The following KCNK3 variants were observed in gnomAD, a reference collection of about 807,000 sequenced individuals.
KCNK3 encodes the protein potassium channel subfamily K member 3.
Under a neutral mutation model 27.3 loss-of-function variants are expected in KCNK3, and 9 were observed. That is an observed-to-expected ratio of 0.33 (90% confidence interval 0.20 to 0.57). The LOEUF is 0.57. Among genes scored for constraint, KCNK3 ranks in the 20% least tolerant of loss-of-function variants. The pLI, the probability that KCNK3 is intolerant of heterozygous loss-of-function variation, is 0.87. For missense variants in KCNK3, 391 were observed against 577.7 expected (o/e 0.68, Z 3.31); for synonymous variants, 278 against 273.8 (o/e 1.02, Z -0.15).
At position 26,721,817 on chromosome 2, in the gene KCNK3, T is replaced by C. The variant is rs765063303; in HGVS notation, c.284-5850T>C. On this transcript the variant is annotated intron_variant, in intron 1 of 1. Transcript: ENST00000302909. The surrounding 1 kb of genome is among the most constrained non-coding windows in gnomAD (Gnocchi z 4.3). ...CAGGCCACAGGTCCCTCATCCACCT[T>C]CCCTCAGGACAAACATTAGCCCAGC... Among the ~76,000 whole-genome samples the C allele has an allele frequency of 1.2e-4, 19 of 152,192 alleles. No homozygotes were observed. The highest frequency in any genetic ancestry group is 1.9e-4 in the Non-Finnish European group (13 of 68,030).
Position 26,728,049 on chromosome 2 carries a change from C to T in KCNK3, c.666C>T (p.Ala222=), listed in dbSNP as rs1169761499. Residue 222 remains alanine (A), a synonymous_variant, in exon 2 of 2, where the codon GCC becomes GCT. Coordinates refer to ENST00000302909, the MANE Select transcript of KCNK3 (RefSeq NM_002246.3). The part of the protein sequence containing the change: ...QALQTQPQYV[A]FSFVYILTGL... ...TGCAGACGCAGCCGCAGTACGTGGC[C>T]TTCAGCTTCGTCTACATCCTTACGG... The T allele has an allele frequency of 6.2e-7, 1 of 1,614,070 alleles. No homozygotes were observed. The highest frequency in any genetic ancestry group is 8.5e-7 in the Non-Finnish European group (1 of 1,180,010).
intron 1 of KCNK3, among the ~76,000 whole-genome samples, chr2:26,702,604 T>C (rs1670321670): frequency 6.6e-6 from 1 of 152,110 alleles, no homozygotes; most frequent in Non-Finnish European, 1.5e-5. Flanking sequence ...CAAAGATGAA[T>C]TGCACTGCCT....
Position 26,728,493 on chromosome 2 carries a change from C to T in KCNK3, c.1110C>T (p.Ala370=). Residue 370 remains alanine, a synonymous_variant, in exon 2 of 2, where the codon GCC becomes GCT. Transcript: ENST00000302909. ...TGTGCAGCGGGGCGCCACGCTCCGCCATCAGCTCGGTGTCCACGGGTCTGC... is the reference window on the plus strand; with the variant it reads ...TGTGCAGCGGGGCGCCACGCTCCGCTATCAGCTCGGTGTCCACGGGTCTGC... The part of the protein sequence containing the change: ...RCLCSGAPRS[A]ISSVSTGLHS... The T allele has an allele frequency of 6.5e-7, 1 of 1,535,160 alleles. No homozygotes were observed. Among genetic ancestry groups the T allele is most frequent in the Non-Finnish European group, 8.8e-7 (1 of 1,138,118 alleles).
At chr2:26,704,320 T>C (rs1210195962) in intron 1 of KCNK3, among the ~76,000 whole-genome samples, 1 of 152,182 alleles carries the variant, frequency 6.6e-6, no homozygotes, top group African/African-American at 2.4e-5. Flanking sequence ...GCACAGCTTC[T>C]GCATGGACAA....
chr2:26,706,037 C>T (rs1173096895), intron 1 of KCNK3, among the ~76,000 whole-genome samples: 1 of 152,194 alleles, frequency 6.6e-6, no homozygotes, highest in East Asian at 1.9e-4. Context: ...AAGGACCCCC[C>T]AGGCGATTGG....
At position 26,728,482 on chromosome 2, in the gene KCNK3, C is replaced by A; in HGVS notation, c.1099C>A (p.Pro367Thr). The A allele has an allele frequency of 6.5e-7, 1 of 1,541,626 alleles. No homozygotes were observed. The highest frequency in any genetic ancestry group is 8.8e-7 in the Non-Finnish European group (1 of 1,141,300). The change falls in exon 2 of 2, where the codon CCA (proline) becomes ACA (threonine). Residue 367 changes from proline to threonine, a missense_variant. Physicochemically the swap from Pro to Thr is conservative, Grantham distance 38 (BLOSUM62 -1). This residue lies in a region of KCNK3 where 192 missense variants were observed against 196.0 expected (regional missense o/e 0.98). Transcript: ENST00000302909. ...PSRRCLCSGAPRSAISSVSTG... is the reference protein window; with the variant it reads ...PSRRCLCSGATRSAISSVSTG... ...GCGACGCTGCCTGTGCAGCGGGGCG[C>A]CACGCTCCGCCATCAGCTCGGTGTC... is the stretch of plus-strand genomic sequence containing the variant.
chr2:26,728,670 C>A lies in KCNK3; in HGVS notation c.*102C>A. Reference sequence around the variant, plus strand: ...GCCTTCTGCCCAGTGGGACCCCGCACAACATCCCTCACCACTCTCCCCCAG... The same window carrying A: ...GCCTTCTGCCCAGTGGGACCCCGCAAAACATCCCTCACCACTCTCCCCCAG... On this transcript the variant is annotated 3_prime_UTR_variant, in exon 2 of 2. Transcript: ENST00000302909. The A allele has an allele frequency of 2.0e-6, 2 of 978,724 alleles. No individual in the cohort carries two copies. The highest frequency in any genetic ancestry group is 2.8e-6 in the Non-Finnish European group (2 of 717,596). 60.6% of individuals were successfully genotyped at this position (978,724 alleles called of 1,614,324 possible).
chr2:26,706,776 G>A (rs1246410383), intron 1 of KCNK3, among the ~76,000 whole-genome samples: 1 of 152,156 alleles, frequency 6.6e-6, no homozygotes, highest in African/African-American at 2.4e-5. Context: ...ACTCGTAGAG[G>A]CAGGCATCTC....
At chr2:26,701,896 CGCCACTGTACTCCA>C (rs1170884346) in intron 1 of KCNK3, among the ~76,000 whole-genome samples, 8 of 152,150 alleles carry the variant, frequency 5.3e-5, no homozygotes, top group Non-Finnish European at 1.0e-4. Context: ...GCCAAGAAAG[CGCCACTGTACTCCA>C]GCCTGGGCAA....
chr2:26,696,179 G>A (rs1388393684), intron 1 of KCNK3, among the ~76,000 whole-genome samples: 2 of 152,250 alleles, frequency 1.3e-5, no homozygotes, highest in African/African-American at 4.8e-5. Flanking sequence ...CTACCTTAGT[G>A]ATCACAATGC....
chr2:26,708,446 G>A (rs1023436364), intron 1 of KCNK3, among the ~76,000 whole-genome samples: 2 of 152,296 alleles, frequency 1.3e-5, no homozygotes, highest in African/African-American at 2.4e-5. Context: ...GGCTGAGGCA[G>A]GAGGATCACC....
chr2:26,698,342 G>A (rs1321030179), intron 1 of KCNK3, among the ~76,000 whole-genome samples: 2 of 152,104 alleles, frequency 1.3e-5, no homozygotes, highest in Non-Finnish European at 2.9e-5. Context: ...CTTGGAAGCT[G>A]GAGTGCCTGG....
At chr2:26,714,886 A>AAAATAAATAAAT (rs56401258) in intron 1 of KCNK3, among the ~76,000 whole-genome samples, 4,098 of 145,852 alleles carry the variant, frequency 0.028, 92 homozygotes, top group Middle Eastern at 0.055. Context: ...ACTCCATCTC[A>AAAATAAATAAAT]AAATAAATAA....
rs182959494 is a variant in KCNK3, at chr2:26,694,166, C to T, written c.283+1008C>T. ...TATGACCTTGGGCAAGTCCCTTCCC[C>T]TGTCTGGGTCTCAGGCTCACCTCCA... On this transcript the variant is annotated intron_variant, in intron 1 of 1. Coordinates refer to ENST00000302909, the MANE Select transcript of KCNK3 (RefSeq NM_002246.3). Among the ~76,000 whole-genome samples the T allele has an allele frequency of 3.9e-3, 601 of 152,324 alleles. 1 individual carries two copies. The highest frequency in any genetic ancestry group is 5.5e-3 in the Non-Finnish European group (375 of 68,020).
At chr2:26,709,810 T>C (rs1336411612) in intron 1 of KCNK3, among the ~76,000 whole-genome samples, 1 of 152,198 alleles carries the variant, frequency 6.6e-6, no homozygotes, top group Admixed American at 6.5e-5. Context: ...AGCAAGGCGA[T>C]GGGCGCAGGG....
intron 1 of KCNK3, among the ~76,000 whole-genome samples, chr2:26,705,026 A>G (rs1401988902): frequency 6.6e-6 from 1 of 151,822 alleles, no homozygotes; most frequent in Non-Finnish European, 1.5e-5. Flanking sequence ...GAGGGTAGCC[A>G]TGATCATGGC....
chr2:26,702,509 G>A (rs1670320670), intron 1 of KCNK3, among the ~76,000 whole-genome samples: 1 of 152,160 alleles, frequency 6.6e-6, no homozygotes, highest in Admixed American at 6.5e-5. Context: ...TGTCCAAGGG[G>A]TTGAACCAGC....
At chr2:26,698,718 A>C (rs1572601476) in intron 1 of KCNK3, among the ~76,000 whole-genome samples, 1 of 150,098 alleles carries the variant, frequency 6.7e-6, no homozygotes, top group African/African-American at 2.5e-5. Context: ...TCCCAATCCC[A>C]CTCCCCACCC....
chr2:26,697,112 T>A (rs1670243751), intron 1 of KCNK3, among the ~76,000 whole-genome samples: 1 of 152,174 alleles, frequency 6.6e-6, no homozygotes, highest in Non-Finnish European at 1.5e-5. Flanking sequence ...CCCCATGGCC[T>A]CAGGCCTCGG....
Sources: gnomAD v4.1 joint callset for allele counts (sites outside exome capture counted in the v4.1 genomes callset) on GRCh38, gnomAD v4.1.1 for gene constraint, gnomAD v4.1.1 regional missense constraint, Gnocchi (gnomAD v3.1) non-coding constraint, MANE v1.5 for transcripts, NCBI Gene and HGNC (gene_info 2026-07-23, HGNC 2026-07-21) for gene names.